RGL2: variants seen among roughly 807,000 people sequenced by gnomAD.
RGL2 encodes the protein ral guanine nucleotide dissociation stimulator-like 2.
In RGL2, 40 loss-of-function variants were observed where a neutral mutation model predicts 84.6. That is an observed-to-expected ratio of 0.47 (90% CI 0.37 to 0.62). The LOEUF (loss-of-function observed/expected upper bound fraction) is 0.62. Among genes scored for constraint, RGL2 ranks in the 20% least tolerant of loss-of-function variants. The pLI, the probability that RGL2 is intolerant of heterozygous loss-of-function variation, is 0.00. For synonymous variants in RGL2, 369 were observed against 417.3 expected (o/e 0.88, Z 1.41); for missense variants, 865 against 1,019.7 (o/e 0.85, Z 2.07).
rs913492932 is a variant in RGL2, at chr6:33,294,289, T to G, written c.1354-223A>C. 6.6e-6 allele frequency among the ~76,000 whole-genome samples: 1 copy of G among 152,082 alleles called. No homozygotes were observed. The highest frequency in any genetic ancestry group is 1.5e-5 in the Non-Finnish European group (1 of 68,016). On this transcript the variant is annotated intron_variant, in intron 11 of 17. Coordinates refer to ENST00000497454, the MANE Select transcript of RGL2 (RefSeq NM_004761.5). The surrounding 1 kb of genome is among the most constrained non-coding windows in gnomAD (Gnocchi z 5.0). The stretch of plus-strand genomic sequence containing the variant: ...GAATTTCTCAGGTAGACAACGAGTC[T>G]GCTTTGCAGATGAGAGGACTGGATA...
Position 33,297,319 on chromosome 6 carries a change from C to G in RGL2, c.157-204G>C. 1 of 513,626 alleles carries G rather than the reference C, an allele frequency of 1.9e-6. No individual in the cohort carries two copies. The highest frequency in any genetic ancestry group is 3.0e-5 in the East Asian group (1 of 33,106). 31.8% of individuals were successfully genotyped at this position (513,626 alleles called of 1,614,324 possible). ...CCAGACAGCCCCACCCCAGCCGCCT[C>G]AGGGCCCCGGTGGAGTCGAAGGGGC... On this transcript the variant is annotated intron_variant, in intron 2 of 17. Transcript: ENST00000497454. This position sits in a 1 kb window ranked among gnomAD's most constrained non-coding sequence, Gnocchi z 4.0.
In RGL2 at chr6:33,296,368, G is replaced by C; in HGVS notation, c.471-43C>G. 1 of 1,605,556 alleles carries C rather than the reference G, an allele frequency of 6.2e-7. No individual in the cohort carries two copies. Among genetic ancestry groups the C allele is most frequent in the Non-Finnish European group, 8.5e-7 (1 of 1,175,184 alleles). On this transcript the variant is annotated intron_variant, in intron 5 of 17. Transcript: ENST00000497454. The surrounding 1 kb of genome is among the most constrained non-coding windows in gnomAD (Gnocchi z 5.0). ...GCCAAGGGTGAGAGGTAAAGCTGCA[G>C]CCTGGGCAGAGGGGACTGTGAGATT...
Position 33,294,863 on chromosome 6 carries a change from TCTC to T in RGL2, c.1279-104_1279-102del, listed in dbSNP as rs1767784630. The T allele has an allele frequency of 2.7e-6, 4 of 1,493,284 alleles. No individual in the cohort carries two copies. The East Asian group carries it at 9.7e-5, about 36-fold the overall frequency. The allele number at this position is 1,493,284 out of a possible 1,614,324, so 92.5% of individuals were successfully genotyped here. ...CATTGCCTCAGAGAACAGATTTCAT[TCTC>T]CTCACCCCTCTGTGCCTCCCTTACC... On this transcript the variant is annotated intron_variant, in intron 10 of 17. Coordinates refer to ENST00000497454, the MANE Select transcript of RGL2 (RefSeq NM_004761.5). The surrounding 1 kb of genome is among the most constrained non-coding windows in gnomAD (Gnocchi z 5.0).
rs925009673 is a variant in RGL2, at chr6:33,294,926, C to T, written c.1278+51G>A. ...GGCTGCTCCCCCAAAACATACTCCT[C>T]ACCCCTTCATAATCACCACCCCCAC... On this transcript the variant is annotated intron_variant, in intron 10 of 17. Transcript: ENST00000497454. The surrounding 1 kb of genome is among the most constrained non-coding windows in gnomAD (Gnocchi z 5.0). 7 of 1,540,182 alleles carry T rather than the reference C, an allele frequency of 4.5e-6. No homozygotes were observed. The African/African-American group carries it at 9.6e-5, about 21-fold the overall frequency.
rs1481436234 is a variant in RGL2, at chr6:33,296,190, C to A, written c.606G>T (p.Gly202=). 1.2e-6 allele frequency: 2 copies of A among 1,613,922 alleles called. No homozygotes were observed. ...TGYAAGKGVG[G]GSADLIRNLR... is the part of the protein sequence containing the mutation. ...GATTGCGGATGAGGTCAGCGCTGCC[C>A]CCCCCAACACCCTTCCCTGCTGCAT... is the stretch of plus-strand genomic sequence containing the variant. Residue 202 remains glycine, a synonymous_variant, in exon 6 of 18, where the codon GGG becomes GGT. Transcript: ENST00000497454. The surrounding 1 kb of genome is among the most constrained non-coding windows in gnomAD (Gnocchi z 5.0).
chr6:33,295,665 C>G lies in RGL2; in HGVS notation c.863G>C (p.Arg288Pro), dbSNP rs368299520. The change falls in exon 7 of 18, where the codon CGA (arginine) becomes CCA (proline). Residue 288 changes from arginine (R) to proline (P), a missense_variant. Arg to Pro is a moderately radical substitution (Grantham distance 103). Around this residue, in one of 5 missense-constraint regions of RGL2, gnomAD observed 455 missense variants for 507.8 expected, o/e 0.90. Coordinates refer to ENST00000497454, the MANE Select transcript of RGL2 (RefSeq NM_004761.5). The surrounding 1 kb of genome is among the most constrained non-coding windows in gnomAD (Gnocchi z 7.2). ...PGHSHLCPSV[R>P]ATVTQFNKVA... ...CTTGTTAAACTGTGTGACAGTAGCT[C>G]GGACAGATGGGCAGAGGTGAGAATG... The G allele has an allele frequency of 6.2e-7, 1 of 1,613,906 alleles. No homozygotes were observed. The highest frequency in any genetic ancestry group is 8.5e-7 in the Non-Finnish European group (1 of 1,180,046).
chr6:33,298,212 C>A lies in RGL2; in HGVS notation c.156+243G>T. The A allele has an allele frequency of 2.2e-6, 1 of 445,822 alleles. No homozygotes were observed. 27.6% of individuals were successfully genotyped at this position (445,822 alleles called of 1,614,324 possible). ...GTGGAGGGCCAAAGACCCGCAGGGA[C>A]AGGACAGCCAGCCAGAAGTTCCAGG... On this transcript the variant is annotated intron_variant, in intron 2 of 17. Coordinates refer to ENST00000497454, the MANE Select transcript of RGL2 (RefSeq NM_004761.5). The surrounding 1 kb of genome is among the most constrained non-coding windows in gnomAD (Gnocchi z 4.8).
chr6:33,293,209 G>C lies in RGL2; in HGVS notation c.1814C>G (p.Ala605Gly), dbSNP rs1562654981. 5.1e-6 allele frequency: 8 copies of C among 1,571,876 alleles called. No individual in the cohort carries two copies. The highest frequency in any genetic ancestry group is 6.0e-6 in the Non-Finnish European group (7 of 1,161,310). The change falls in exon 16 of 18, where the codon GCC (alanine) becomes GGC (glycine). Residue 605 changes from alanine to glycine, a missense_variant. By Grantham distance (60) the Ala-to-Gly change is moderately conservative. Transcript: ENST00000497454. The surrounding 1 kb of genome is among the most constrained non-coding windows in gnomAD (Gnocchi z 7.0). ...ACCTCGAGAAGGCCTAGGGGAGGAG[G>C]CTGGTGGGGAGAGGTGGCTGGGGTC... is the stretch of plus-strand genomic sequence containing the variant. ...PADPSHLSPP[A>G]SSPRPSRGHR...
chr6:33,296,634 G>A lies in RGL2; in HGVS notation c.383C>T (p.Thr128Ile). ...SAFLATHRAF[T>I]STPALLGLMA... ...AAGCCCTAGCAAGGCAGGCGTGGAGGTGAAGGCCCGGTGGGTAGCCAGGAA... is the reference window on the plus strand; with the variant it reads ...AAGCCCTAGCAAGGCAGGCGTGGAGATGAAGGCCCGGTGGGTAGCCAGGAA... The change falls in exon 4 of 18, where the codon ACC (threonine) becomes ATC (isoleucine). Residue 128 changes from threonine to isoleucine, a missense_variant. Physicochemically the swap from Thr to Ile is moderately conservative, Grantham distance 89 (BLOSUM62 -1). Transcript: ENST00000497454. The surrounding 1 kb of genome is among the most constrained non-coding windows in gnomAD (Gnocchi z 5.0). 1.2e-6 allele frequency: 2 copies of A among 1,613,920 alleles called. No homozygotes were observed. Among genetic ancestry groups the A allele is most frequent in the Non-Finnish European group, 1.7e-6 (2 of 1,180,008 alleles).
chr6:33,292,401 G>T (rs376349288), intron 17 of RGL2, 29 bp downstream of exon 17: 166 of 1,607,004 alleles, frequency 1.0e-4, no homozygotes, highest in Admixed American at 3.7e-4. Flanking sequence ...CTCTCCTCCC[G>T]AGTCTGCCTT....
Position 33,294,214 on chromosome 6 carries a change from TTCC to T in RGL2, c.1354-151_1354-149del. ...TCTGACTCTTCGATCCCTCCCTGCC[TTCC>T]TCCTCAATCTATCATGGCCTAAGCA... On this transcript the variant is annotated intron_variant, in intron 11 of 17. Coordinates refer to ENST00000497454, the MANE Select transcript of RGL2 (RefSeq NM_004761.5). The surrounding 1 kb of genome is among the most constrained non-coding windows in gnomAD (Gnocchi z 5.0). The T allele has an allele frequency of 1.1e-6, 1 of 920,696 alleles. No individual in the cohort carries two copies. The highest frequency in any genetic ancestry group is 2.5e-5 in the East Asian group (1 of 40,170). The allele number at this position is 920,696 out of a possible 1,614,324, so 57.0% of individuals were successfully genotyped here.
Position 33,292,341 on chromosome 6 carries a change from C to T in RGL2, c.2123-28G>A, listed in dbSNP as rs1252818351. On this transcript the variant is annotated intron_variant, in intron 17 of 17. Transcript: ENST00000497454. Reference sequence around the variant, plus strand: ...GAAGGTTCAGGGGATGGATGTAAAGCACACACACAGTTGTTCCCCCCACAG... The same window carrying T: ...GAAGGTTCAGGGGATGGATGTAAAGTACACACACAGTTGTTCCCCCCACAG... The T allele has an allele frequency of 3.7e-6, 6 of 1,610,228 alleles. No homozygotes were observed. In the South Asian group the frequency reaches 5.5e-5, roughly 15 times the overall value.
In RGL2 at chr6:33,295,649, C is replaced by T; in HGVS notation, c.879G>A (p.Gln293=). 1 of 1,614,000 alleles carries T rather than the reference C, an allele frequency of 6.2e-7. No homozygotes were observed. The highest frequency in any genetic ancestry group is 8.5e-7 in the Non-Finnish European group (1 of 1,180,048). ...LCPSVRATVT[Q]FNKVAGAVVS... ...CCACTGCCCCTGCCACCTTGTTAAA[C>T]TGTGTGACAGTAGCTCGGACAGATG... Residue 293 remains glutamine (Q), a synonymous_variant, in exon 7 of 18, where the codon CAG becomes CAA. Transcript: ENST00000497454. This position sits in a 1 kb window ranked among gnomAD's most constrained non-coding sequence, Gnocchi z 7.2.
At position 33,293,892 on chromosome 6, in the gene RGL2, G is replaced by C. The variant is rs150873697; in HGVS notation, c.1411C>G (p.Arg471Gly). The C allele has an allele frequency of 3.1e-6, 5 of 1,613,892 alleles. No homozygotes were observed. The African/African-American group carries it at 5.3e-5, about 17-fold the overall frequency. Residue 471 changes from arginine to glycine, a missense_variant, in exon 13 of 18, where the codon CGA becomes GGA. Coordinates refer to ENST00000497454, the MANE Select transcript of RGL2 (RefSeq NM_004761.5). This position sits in a 1 kb window ranked among gnomAD's most constrained non-coding sequence, Gnocchi z 7.0. Reference protein sequence around the residue: ...RKEFAVLSELRRLQNECRGYN... With the variant: ...RKEFAVLSELGRLQNECRGYN... Reference sequence around the variant, plus strand: ...CCACGACATTCATTCTGGAGCCGTCGCAACTCAGAAAGGACTGCAAACTCC... The same window carrying C: ...CCACGACATTCATTCTGGAGCCGTCCCAACTCAGAAAGGACTGCAAACTCC...
Position 33,293,495 on chromosome 6 carries a change from G to A in RGL2, c.1634C>T (p.Pro545Leu), listed in dbSNP as rs560815240. 6.1e-5 allele frequency: 99 copies of A among 1,614,034 alleles called. No homozygotes were observed. The South Asian group carries it at 8.0e-4, about 13-fold the overall frequency. Residue 545 changes from proline to leucine, a missense_variant, in exon 15 of 18, where the codon CCG (proline) becomes CTG (leucine). Around this residue, in one of 5 missense-constraint regions of RGL2, gnomAD observed 302 missense variants for 327.9 expected, o/e 0.92. Coordinates refer to ENST00000497454, the MANE Select transcript of RGL2 (RefSeq NM_004761.5). The surrounding 1 kb of genome is among the most constrained non-coding windows in gnomAD (Gnocchi z 7.0). ...ACTGGGCCGGTCACAGGACACAAGCGGGGTAGGGACCCCAACAGAGCCCAA... is the reference window on the plus strand; with the variant it reads ...ACTGGGCCGGTCACAGGACACAAGCAGGGTAGGGACCCCAACAGAGCCCAA... ...EVLGSVGVPTPLVSCDRPSTG... is the reference protein window; with the variant it reads ...EVLGSVGVPTLLVSCDRPSTG...
Position 33,292,196 on chromosome 6 carries a change from G to A in RGL2, c.2240C>T (p.Pro747Leu), listed in dbSNP as rs748649212. 3.0e-5 allele frequency: 48 copies of A among 1,614,068 alleles called. No homozygotes were observed. The highest frequency in any genetic ancestry group is 2.0e-4 in the South Asian group (18 of 91,084). Residue 747 changes from proline (P) to leucine (L), a missense_variant, in exon 18 of 18, where the codon CCG becomes CTG. By Grantham distance (98) the Pro-to-Leu change is moderately conservative (BLOSUM62 -3). Around this residue, in one of 5 missense-constraint regions of RGL2, gnomAD observed 302 missense variants for 327.9 expected, o/e 0.92. Coordinates refer to ENST00000497454, the MANE Select transcript of RGL2 (RefSeq NM_004761.5). ...ACTCGGAGGAGTTCCTGAGGCAGAC[G>A]GGCCACTGGTGACGCCAGGTGTAGC... ...STATPGVTSG[P>L]SASGTPPSEG...
In RGL2 at chr6:33,295,170, G is replaced by A; in HGVS notation, c.1166C>T (p.Ser389Phe). ...ACTCTGGGAATAATTATCCTCCTCGGAGAAAATCTGGCAGAGGCTGGAAAA... is the reference window on the plus strand; with the variant it reads ...ACTCTGGGAATAATTATCCTCCTCGAAGAAAATCTGGCAGAGGCTGGAAAA... ...RVFSSLCQIF[S>F]EEDNYSQSRE... The change falls in exon 9 of 18, where the codon TCC becomes TTC. Residue 389 changes from serine to phenylalanine, a missense_variant. Ser to Phe is a radical substitution (Grantham distance 155, BLOSUM62 -2). Around this residue, in one of 5 missense-constraint regions of RGL2, gnomAD observed 455 missense variants for 507.8 expected, o/e 0.90. Coordinates refer to ENST00000497454, the MANE Select transcript of RGL2 (RefSeq NM_004761.5). This position sits in a 1 kb window ranked among gnomAD's most constrained non-coding sequence, Gnocchi z 7.2. The A allele has an allele frequency of 6.2e-7, 1 of 1,607,468 alleles. No homozygotes were observed. Among genetic ancestry groups the A allele is most frequent in the East Asian group, 2.2e-5 (1 of 44,810 alleles).
chr6:33,298,779 C>G lies in RGL2; in HGVS notation c.-42+91G>C. On this transcript the variant is annotated intron_variant, in intron 1 of 17. Coordinates refer to ENST00000497454, the MANE Select transcript of RGL2 (RefSeq NM_004761.5). The surrounding 1 kb of genome is among the most constrained non-coding windows in gnomAD (Gnocchi z 4.8). ...TCTGCAGGAAGGTTGGGGGAGGGGG[C>G]AACAGAAGGGTGGAATAGGGGGGCC... 1 of 448,254 alleles carries G rather than the reference C, an allele frequency of 2.2e-6. No homozygotes were observed. Among genetic ancestry groups the G allele is most frequent in the Non-Finnish European group, 3.9e-6 (1 of 258,394 alleles). 27.8% of individuals were successfully genotyped at this position (448,254 alleles called of 1,614,324 possible). A position where few individuals can be genotyped will look rare whatever the true frequency, so the allele number is the denominator to read the frequency against.
Position 33,294,721 on chromosome 6 carries a change from C to T in RGL2, c.1320G>A (p.Val440=). Residue 440 remains valine, a synonymous_variant, in exon 11 of 18, where the codon GTG becomes GTA. Coordinates refer to ENST00000497454, the MANE Select transcript of RGL2 (RefSeq NM_004761.5). The surrounding 1 kb of genome is among the most constrained non-coding windows in gnomAD (Gnocchi z 5.0). ...CATCCTTGGAGGCTGCATCCAGCAT[C>T]ACAAGGTCCTTCAGGAAGGTGCCAA... ...PYLGTFLKDL[V]MLDAASKDEL... The T allele has an allele frequency of 6.2e-7, 1 of 1,614,124 alleles. No homozygotes were observed.
Sources: allele counts gnomAD v4.1 joint callset (sites outside exome capture counted in the v4.1 genomes callset), GRCh38; gene constraint gnomAD v4.1.1; regional missense constraint gnomAD v4.1.1; non-coding constraint Gnocchi (gnomAD v3.1); transcripts MANE v1.5; gene names NCBI Gene and HGNC (gene_info 2026-07-23, HGNC 2026-07-21).